SLC45A3: variants seen among roughly 807,000 people sequenced by gnomAD.
SLC45A3 encodes the protein prostate cancer associated protein 2.
Under a neutral mutation model 35.3 loss-of-function variants are expected in SLC45A3, and 17 were observed. The ratio of observed to expected loss-of-function variants is 0.48; its 90% CI spans 0.33 to 0.72. SLC45A3 has a LOEUF of 0.72. Ranked by LOEUF, SLC45A3 falls within the 30% of genes least tolerant of loss-of-function variation. SLC45A3 has a pLI of 0.02. For synonymous variants in SLC45A3, 288 were observed against 334.3 expected, an observed-to-expected ratio of 0.86 and a Z score of 1.51; for missense variants, 597 against 731.7, an observed-to-expected ratio of 0.82 and a Z score of 2.12.
rs1212345945 is a variant in SLC45A3, at chr1:205,669,639, A to T, written c.-230-4753T>A. On this transcript the variant is annotated intron_variant, in intron 1 of 4. Transcript: ENST00000367145. This position sits in a 1 kb window ranked among gnomAD's most constrained non-coding sequence, Gnocchi z 4.1. ...CCACCCAGGCACATCAAACGGCTGTAGCCCCCACCCTGACCCCGCAGGCTC... is the reference window on the plus strand; with the variant it reads ...CCACCCAGGCACATCAAACGGCTGTTGCCCCCACCCTGACCCCGCAGGCTC... Among the ~76,000 whole-genome samples the T allele has an allele frequency of 6.6e-6, 1 of 152,106 alleles. No individual in the cohort carries two copies. Among genetic ancestry groups the T allele is most frequent in the African/African-American group, 2.4e-5 (1 of 41,432 alleles).
chr1:205,664,768 A>G lies in SLC45A3; in HGVS notation c.-112T>C. ...TCCTCCTTGCTGCCGCCAACTGCCT[A>G]GGAATCAGCCAGGCGCCCATTTCTG... On this transcript the variant is annotated 5_prime_UTR_variant, in exon 2 of 5. Transcript: ENST00000367145. This position sits in a 1 kb window ranked among gnomAD's most constrained non-coding sequence, Gnocchi z 5.3. 1 of 1,476,452 alleles carries G rather than the reference A, an allele frequency of 6.8e-7. No individual in the cohort carries two copies. The allele number at this position is 1,476,452 out of a possible 1,614,324, so 91.5% of individuals were successfully genotyped here. A position where few individuals can be genotyped will look rare whatever the true frequency, so the allele number is the denominator to read the frequency against.
intron 4 of SLC45A3, among the ~76,000 whole-genome samples, chr1:205,661,553 A>C (rs1671023947): frequency 6.6e-6 from 1 of 152,102 alleles, no homozygotes. Flanking sequence ...TCCATAGAAC[A>C]ACCAGCCTAG....
chr1:205,667,537 A>C (rs1671139782), intron 1 of SLC45A3, among the ~76,000 whole-genome samples: 1 of 151,996 alleles, frequency 6.6e-6, no homozygotes, highest in Admixed American at 6.6e-5. Flanking sequence ...ATAAAAAATA[A>C]ATAAATAAAA....
At chr1:205,663,768 A>G in intron 2 of SLC45A3, 150 bp from the exon 3 acceptor site, 4 of 825,354 alleles carry the variant, frequency 4.8e-6, no homozygotes, top group South Asian at 3.9e-5. Flanking sequence ...TACTCCTCAT[A>G]ACACAGGCAT....
intron 4 of SLC45A3, among the ~76,000 whole-genome samples, chr1:205,661,280 C>CAGGGGA (rs917770656): frequency 6.6e-5 from 10 of 151,886 alleles, no homozygotes; most frequent in African/African-American, 2.2e-4. Context: ...ATATCTGCCA[C>CAGGGGA]AGGGGAAGGG....
At chr1:205,667,938 C>T (rs1671145294) in intron 1 of SLC45A3, among the ~76,000 whole-genome samples, 1 of 152,090 alleles carries the variant, frequency 6.6e-6, no homozygotes, top group Non-Finnish European at 1.5e-5. Flanking sequence ...TTCTCCAACG[C>T]CCCCCATCCC....
intron 1 of SLC45A3, among the ~76,000 whole-genome samples, chr1:205,679,582 C>T (rs1160748314): frequency 6.6e-6 from 1 of 152,094 alleles, no homozygotes; most frequent in Non-Finnish European, 1.5e-5. Flanking sequence ...TTGCCGTTTG[C>T]AGAACTCTGT....
intron 1 of SLC45A3, among the ~76,000 whole-genome samples, chr1:205,671,988 G>A (rs1236768428): frequency 6.6e-5 from 10 of 152,194 alleles, no homozygotes; most frequent in South Asian, 2.1e-4. Flanking sequence ...CCAACCATCC[G>A]ATGAGGTGGG....
At chr1:205,674,494 G>A (rs912618081) in intron 1 of SLC45A3, among the ~76,000 whole-genome samples, 6 of 150,954 alleles carry the variant, frequency 4.0e-5, no homozygotes, top group Non-Finnish European at 7.4e-5. Flanking sequence ...GGTTGAGGCA[G>A]GTGAATCGCT....
intron 4 of SLC45A3, among the ~76,000 whole-genome samples, chr1:205,661,116 C>G (rs1671014904): frequency 6.6e-6 from 1 of 152,132 alleles, no homozygotes; most frequent in Non-Finnish European, 1.5e-5. Flanking sequence ...TCAGTGAGGT[C>G]AGTGGAGGGG....
intron 1 of SLC45A3, among the ~76,000 whole-genome samples, chr1:205,677,988 T>C (rs1671338122): frequency 6.6e-6 from 1 of 152,232 alleles, no homozygotes; most frequent in African/African-American, 2.4e-5. Context: ...CTTGCCAAGC[T>C]GGTGGAGCTC....
intron 1 of SLC45A3, among the ~76,000 whole-genome samples, chr1:205,677,640 C>T (rs1671333515): frequency 6.6e-6 from 1 of 152,116 alleles, no homozygotes. Flanking sequence ...ACCTTGCTAC[C>T]AAAGAAATAA....
In SLC45A3 at chr1:205,662,060, A is replaced by G. The variant is rs2102402913; in HGVS notation, c.1025T>C (p.Met342Thr). ...GCCGAATCGCTGCACCAGCCGGTCC[A>G]TGACCAGAGAGAAGACCAGGGAGAT... The part of the protein sequence containing the change: ...CAISLVFSLV[M>T]DRLVQRFGTR... The change falls in exon 4 of 5, where the codon ATG becomes ACG. Residue 342 changes from methionine (M) to threonine (T), a missense_variant. Physicochemically the swap from Met to Thr is moderately conservative, Grantham distance 81 (BLOSUM62 -1). Around this residue, in one of 3 missense-constraint regions of SLC45A3, gnomAD observed 555 missense variants for 664.9 expected, o/e 0.83. Coordinates refer to ENST00000367145, the MANE Select transcript of SLC45A3 (RefSeq NM_033102.3). The surrounding 1 kb of genome is among the most constrained non-coding windows in gnomAD (Gnocchi z 6.2). 1.9e-6 allele frequency: 3 copies of G among 1,614,186 alleles called. No homozygotes were observed. Among genetic ancestry groups the G allele is most frequent in the Non-Finnish European group, 1.7e-6 (2 of 1,180,038 alleles).
intron 1 of SLC45A3, among the ~76,000 whole-genome samples, chr1:205,670,313 C>T (rs562481463): frequency 5.6e-4 from 85 of 152,272 alleles, no homozygotes; most frequent in Middle Eastern, 6.8e-3. Context: ...TTTGGTGACT[C>T]CCAACCCACT....
intron 1 of SLC45A3, among the ~76,000 whole-genome samples, chr1:205,678,249 G>A (rs534429839): frequency 3.9e-4 from 59 of 152,208 alleles, no homozygotes; most frequent in Admixed American, 3.1e-3. Flanking sequence ...CCCAGGAGGC[G>A]GAGGCTGCAG....
In SLC45A3 at chr1:205,666,119, A is replaced by T. The variant is rs1366967736; in HGVS notation, c.-230-1233T>A. The stretch of plus-strand genomic sequence containing the variant: ...ATCTCAGCACCTCATTATAAAAGGC[A>T]TTTCAACTTATCTTATCTTTTCACA... On this transcript the variant is annotated intron_variant, in intron 1 of 4. Coordinates refer to ENST00000367145, the MANE Select transcript of SLC45A3 (RefSeq NM_033102.3). This position sits in a 1 kb window ranked among gnomAD's most constrained non-coding sequence, Gnocchi z 4.1. Among the ~76,000 whole-genome samples the T allele has an allele frequency of 6.6e-6, 1 of 152,138 alleles. No individual in the cohort carries two copies. The highest frequency in any genetic ancestry group is 2.4e-5 in the African/African-American group (1 of 41,426).
intron 1 of SLC45A3, among the ~76,000 whole-genome samples, chr1:205,670,331 T>C (rs1041615388): frequency 8.5e-5 from 13 of 152,172 alleles, no homozygotes; most frequent in African/African-American, 3.1e-4. Flanking sequence ...ACTCAGTCTT[T>C]GATTCTCTGG....
At position 205,659,057 on chromosome 1, in the gene SLC45A3, C is replaced by T. The variant is rs1670970240; in HGVS notation, c.*177G>A. 3 of 658,338 alleles carry T rather than the reference C, an allele frequency of 4.6e-6. No homozygotes were observed. The highest frequency in any genetic ancestry group is 3.0e-5 in the Admixed American group (1 of 33,482). 40.8% of individuals were successfully genotyped at this position (658,338 alleles called of 1,614,324 possible). On this transcript the variant is annotated 3_prime_UTR_variant, in exon 5 of 5. Coordinates refer to ENST00000367145, the MANE Select transcript of SLC45A3 (RefSeq NM_033102.3). This position sits in a 1 kb window ranked among gnomAD's most constrained non-coding sequence, Gnocchi z 5.8. ...AGACTGGGGAGAGAGGAGAGGGACG[C>T]CCCAGCCCCCAGCTGTGCAGCTACG...
chr1:205,672,398 T>C (rs1229897446), intron 1 of SLC45A3, among the ~76,000 whole-genome samples: 1 of 152,134 alleles, frequency 6.6e-6, no homozygotes, highest in East Asian at 1.9e-4. Context: ...AAAGATCCCA[T>C]AGTTATGAGA....
Sources: allele counts gnomAD v4.1 joint callset (sites outside exome capture counted in the v4.1 genomes callset), GRCh38; gene constraint gnomAD v4.1.1; regional missense constraint gnomAD v4.1.1; non-coding constraint Gnocchi (gnomAD v3.1); transcripts MANE v1.5; gene names NCBI Gene and HGNC (gene_info 2026-07-23, HGNC 2026-07-21).